Variants in TASP1 observed in about 807,000 individuals in gnomAD.
The protein encoded by TASP1 is threonine aspartase 1.
TASP1 carries 16 observed loss-of-function variants against 56.6 expected under a neutral mutation model. The ratio of observed to expected loss-of-function variants is 0.28; its 90% CI spans 0.19 to 0.43. The LOEUF (loss-of-function observed/expected upper bound fraction) is 0.43. Among genes scored for constraint, TASP1 ranks in the 20% least tolerant of loss-of-function variants. The pLI, the probability that TASP1 is intolerant of heterozygous loss-of-function variation, is 1.00. For synonymous variants in TASP1, 179 were observed against 184.2 expected, an observed-to-expected ratio of 0.97 and a Z score of 0.23; for missense variants, 393 against 511.6, an observed-to-expected ratio of 0.77 and a Z score of 2.24.
At chr20:13,530,044 A>G (rs1221325394) in intron 9 of TASP1, among the ~76,000 whole-genome samples, 1 of 152,132 alleles carries the variant, frequency 6.6e-6, no homozygotes, top group Non-Finnish European at 1.5e-5. Flanking sequence ...AAAGTCCTCC[A>G]ATTTTTTAAA....
chr20:13,403,757 C>T (rs1346219094), intron 13 of TASP1, among the ~76,000 whole-genome samples: 1 of 152,106 alleles, frequency 6.6e-6, no homozygotes, highest in Non-Finnish European at 1.5e-5. Context: ...AGGTGTGCCC[C>T]TGCAGTCCTA....
the TASP1 span, among the ~76,000 whole-genome samples, chr20:13,223,636 T>C: frequency 6.6e-6 from 1 of 152,212 alleles, no homozygotes; most frequent in Non-Finnish European, 1.5e-5. Context: ...GAGACATTTC[T>C]AAAAATGTCC....
At chr20:13,492,663 C>T (rs1264559411) in intron 10 of TASP1, among the ~76,000 whole-genome samples, 5 of 152,074 alleles carry the variant, frequency 3.3e-5, no homozygotes, top group Admixed American at 6.5e-5. Context: ...TATAGCTCAC[C>T]GACACATATT....
chr20:13,165,006 C>T, the TASP1 span: 5 of 632,306 alleles, frequency 7.9e-6, no homozygotes, highest in East Asian at 2.8e-5. Context: ...CTGAGGGAGA[C>T]GTTGTTGTTT....
chr20:13,382,989 A>C, the TASP1 span, among the ~76,000 whole-genome samples: 7 of 152,310 alleles, frequency 4.6e-5, no homozygotes, highest in African/African-American at 1.7e-4. Context: ...AGAGCAAGCC[A>C]TGTGAAGCCA....
intron 11 of TASP1, among the ~76,000 whole-genome samples, chr20:13,438,024 G>C (rs2043071934): frequency 6.7e-6 from 1 of 150,298 alleles, no homozygotes; most frequent in South Asian, 2.1e-4. Flanking sequence ...AAGTTCATAT[G>C]GAACCAAAAA....
chr20:13,391,624 C>T (rs1323064176), intron 13 of TASP1, among the ~76,000 whole-genome samples: 2 of 151,920 alleles, frequency 1.3e-5, no homozygotes, highest in Non-Finnish European at 1.5e-5. Flanking sequence ...CAGTGGGAGC[C>T]GTTTAAGAAA....
intron 1 of TASP1, among the ~76,000 whole-genome samples, chr20:13,638,037 T>C (rs1703798616): frequency 6.6e-6 from 1 of 152,174 alleles, no homozygotes; most frequent in African/African-American, 2.4e-5. Context: ...AATAAAATAT[T>C]AGAAAAAAGA....
At chr20:13,485,126 T>C (rs1171501362) in intron 10 of TASP1, among the ~76,000 whole-genome samples, 1 of 151,936 alleles carries the variant, frequency 6.6e-6, no homozygotes. Context: ...ACTTAAAGTA[T>C]AATAAAAAAT....
At chr20:13,300,874 G>A in the TASP1 span, among the ~76,000 whole-genome samples, 6 of 152,142 alleles carry the variant, frequency 3.9e-5, no homozygotes, top group Non-Finnish European at 8.8e-5. Context: ...CTTTTTGCCC[G>A]CCCAGACCTA....
chr20:13,524,023 C>G lies in TASP1; in HGVS notation c.874+4410G>C, dbSNP rs1364794802. On this transcript the variant is annotated intron_variant, in intron 10 of 13. Transcript: ENST00000337743. ...AATTATCCAGGTGTGATGGTGTGCA[C>G]CTGTAGTCCTACCTACTTGGGAGGC... 1.3e-5 allele frequency among the ~76,000 whole-genome samples: 2 copies of G among 151,912 alleles called. 1 individual carries two copies. Among genetic ancestry groups the G allele is most frequent in the Admixed American group, 1.3e-4 (2 of 15,240 alleles).
At chr20:13,605,247 T>A (rs1312484390) in intron 4 of TASP1, among the ~76,000 whole-genome samples, 2 of 152,088 alleles carry the variant, frequency 1.3e-5, no homozygotes, top group African/African-American at 4.8e-5. Context: ...TACATCATGA[T>A]TGTACTGGTG....
At chr20:13,580,328 T>A (rs1283193869) in intron 6 of TASP1, among the ~76,000 whole-genome samples, 1 of 152,096 alleles carries the variant, frequency 6.6e-6, no homozygotes, top group African/African-American at 2.4e-5. Context: ...ATGCATGTAG[T>A]CCCAGCTACT....
intron 12 of TASP1, among the ~76,000 whole-genome samples, chr20:13,418,766 C>T (rs1383018145): frequency 6.6e-6 from 1 of 152,172 alleles, no homozygotes; most frequent in African/African-American, 2.4e-5. Flanking sequence ...AAATCAGTAC[C>T]ATGTGCCTTT....
At chr20:13,492,784 TA>T (rs1363827482) in intron 10 of TASP1, among the ~76,000 whole-genome samples, 1 of 152,188 alleles carries the variant, frequency 6.6e-6, no homozygotes, top group African/African-American at 2.4e-5. Context: ...TTTTCTGTGA[TA>T]AATAATAACC....
chr20:13,330,284 T>C, the TASP1 span, among the ~76,000 whole-genome samples: 1 of 152,232 alleles, frequency 6.6e-6, no homozygotes, highest in Non-Finnish European at 1.5e-5. Flanking sequence ...TCTGTATCTA[T>C]TGATATAGTC....
intron 6 of TASP1, among the ~76,000 whole-genome samples, chr20:13,580,216 G>A (rs1310503705): frequency 6.6e-6 from 1 of 152,240 alleles, no homozygotes; most frequent in Non-Finnish European, 1.5e-5. Flanking sequence ...GGAGGCCAAG[G>A]CAGGAGGATT....
intron 13 of TASP1, among the ~76,000 whole-genome samples, chr20:13,402,097 A>G (rs1464555088): frequency 6.6e-6 from 1 of 152,226 alleles, no homozygotes; most frequent in African/African-American, 2.4e-5. Context: ...ATCTTACCCT[A>G]CACCATGATT....
chr20:13,198,973 A>G, the TASP1 span, among the ~76,000 whole-genome samples: 1 of 150,642 alleles, frequency 6.6e-6, no homozygotes, highest in Admixed American at 6.6e-5. Flanking sequence ...TAGTGAGATC[A>G]CAACTCACTG....
Sources: gnomAD v4.1 joint callset for allele counts (sites outside exome capture counted in the v4.1 genomes callset) on GRCh38, gnomAD v4.1.1 for gene constraint, MANE v1.5 for transcripts, NCBI Gene and HGNC (gene_info 2026-07-23, HGNC 2026-07-21) for gene names.